Variants in ADH4 observed in about 807,000 individuals in gnomAD.
ADH4 encodes the protein alcohol dehydrogenase 4 (class II), pi polypeptide, also known as all-trans-retinol dehydrogenase [NAD(+)] ADH4.
Under a neutral mutation model 35.2 loss-of-function variants are expected in ADH4, and 31 were observed. The ratio of observed to expected loss-of-function variants is 0.88; its 90% confidence interval spans 0.66 to 1.19. The LOEUF (loss-of-function observed/expected upper bound fraction) is 1.19. Ranked by LOEUF, ADH4 falls within the 50% of genes most tolerant of loss-of-function variation. ADH4 has a pLI of 0.00. For missense variants in ADH4, 476 were observed against 458.3 expected (o/e 1.04, Z -0.35); for synonymous variants, 171 against 160.2 (o/e 1.07, Z -0.51).
chr4:99,127,780 C>G (rs544574468), intron 6 of ADH4, among the ~76,000 whole-genome samples: 1 of 149,918 alleles, frequency 6.7e-6, no homozygotes, highest in Non-Finnish European at 1.5e-5. Flanking sequence ...TGCAGTGAGC[C>G]GAGACCACAC....
chr4:99,131,443 C>T lies in ADH4; in HGVS notation c.843+61G>A, dbSNP rs567591635. 4 of 1,541,662 alleles carry T rather than the reference C, an allele frequency of 2.6e-6. No homozygotes were observed. In the African/African-American group the frequency reaches 4.1e-5, roughly 16 times the overall value. On this transcript the variant is annotated intron_variant, in intron 6 of 8. Transcript: ENST00000265512. ...CCATAATAAACATAATCCACTTTCC[C>T]CTATTATTTGACAGCCAAAGAATAC...
chr4:99,138,956 T>C (rs1334908547), intron 4 of ADH4, 105 bp downstream of exon 4: 1 of 708,188 alleles, frequency 1.4e-6, no homozygotes, highest in Non-Finnish European at 2.4e-6. Context: ...TTAGAATTAG[T>C]GGGTGGAAGG....
At position 99,127,325 on chromosome 4, in the gene ADH4, G is replaced by T. The variant is rs1729131515; in HGVS notation, c.863C>A (p.Thr288Lys). The change falls in exon 7 of 9, where the codon ACA becomes AAA. Residue 288 changes from threonine to lysine, a missense_variant. By Grantham distance (78) the Thr-to-Lys change is moderately conservative (BLOSUM62 -1). Transcript: ENST00000265512. The stretch of plus-strand genomic sequence containing the variant: ...AGTACATGATCCCCAGCCTGCGGTT[G>T]TACAGTCCAGGGCTGCTTTCTGTGA... ...SETMKAALDC[T>K]TAGWGSCTFI... 1 of 1,611,764 alleles carries T rather than the reference G, an allele frequency of 6.2e-7. No individual in the cohort carries two copies. The highest frequency in any genetic ancestry group is 8.5e-7 in the Non-Finnish European group (1 of 1,178,680).
intron 3 of ADH4, among the ~76,000 whole-genome samples, chr4:99,140,172 T>C (rs956601124): frequency 6.6e-6 from 1 of 152,214 alleles, no homozygotes. Context: ...ATATATAATA[T>C]TTCTCACTAA....
In ADH4 at chr4:99,126,665, A is replaced by G. The variant is rs149455662; in HGVS notation, c.1047T>C (p.Asp349=). The G allele has an allele frequency of 6.8e-6, 11 of 1,612,212 alleles. No individual in the cohort carries two copies. The highest frequency in any genetic ancestry group is 2.2e-5 in the South Asian group (2 of 90,898). ...TDYKNKKFNL[D]ALVTHTLPFD... is the part of the protein sequence containing the mutation. ...AAGGCAGGGTATGGGTCACCAGTGC[A>G]TCCAGATTGAATTTCTTATTCTTAT... is the stretch of plus-strand genomic sequence containing the variant. The change falls in exon 8 of 9, where the codon GAT becomes GAC. Residue 349 remains aspartate, a synonymous_variant. Transcript: ENST00000265512.
chr4:99,141,450 G>A, intron 3 of ADH4, 91 bp downstream of exon 3: 1 of 1,277,762 alleles, frequency 7.8e-7, no homozygotes, highest in Non-Finnish European at 1.1e-6. Flanking sequence ...TGTAAATAGA[G>A]ATCAATTATA....
chr4:99,124,238 GTTATTA>G lies in ADH4; in HGVS notation c.*198_*203del. On this transcript the variant is annotated 3_prime_UTR_variant, in exon 9 of 9. Coordinates refer to ENST00000265512, the MANE Select transcript of ADH4 (RefSeq NM_000670.5). ...GATATGATTCTATTCATAAACACTAGTTATTATTATTATTTAACATAGGGAATATTC... is the reference window on the plus strand; with the variant it reads ...GATATGATTCTATTCATAAACACTAGTTATTATTTAACATAGGGAATATTC... 1 of 467,066 alleles carries G rather than the reference GTTATTA, an allele frequency of 2.1e-6. No homozygotes were observed. The highest frequency in any genetic ancestry group is 3.8e-6 in the Non-Finnish European group (1 of 265,100). 28.9% of individuals were successfully genotyped at this position (467,066 alleles called of 1,614,324 possible).
chr4:99,133,003 C>G (rs1729334899), intron 5 of ADH4, among the ~76,000 whole-genome samples: 1 of 151,998 alleles, frequency 6.6e-6, no homozygotes, highest in African/African-American at 2.4e-5. Context: ...GGCTTCTTTA[C>G]TATAATGTTG....
In ADH4 at chr4:99,131,362, A is replaced by T. The variant is rs935926239; in HGVS notation, c.843+142T>A. 213 of 942,390 alleles carry T rather than the reference A, an allele frequency of 2.3e-4. 3 individuals carry two copies. In the South Asian group the frequency reaches 3.7e-3, roughly 16 times the overall value. 58.4% of individuals were successfully genotyped at this position (942,390 alleles called of 1,614,324 possible). On this transcript the variant is annotated intron_variant, in intron 6 of 8. Coordinates refer to ENST00000265512, the MANE Select transcript of ADH4 (RefSeq NM_000670.5). ...ATGGAGTATAGCTGAGGGAATGGGA[A>T]ATGATTTGTGGCTTATAGTTCTACC... is the stretch of plus-strand genomic sequence containing the variant.
Position 99,141,611 on chromosome 4 carries a change from T to C in ADH4, c.192A>G (p.Pro64=). 1.2e-6 allele frequency: 2 copies of C among 1,614,154 alleles called. No individual in the cohort carries two copies. The highest frequency in any genetic ancestry group is 1.7e-5 in the Admixed American group (1 of 60,026). The change falls in exon 3 of 9, where the codon CCA becomes CCG. Residue 64 remains proline, a synonymous_variant. Transcript: ENST00000265512. ...CTGCAGCCTCATGGCCAACGATCAC[T>C]GGGAAAGCTAGGCCCTCAAATTTAG... ...IDSKFEGLAF[P]VIVGHEAAGI... is the part of the protein sequence containing the mutation.
chr4:99,127,356 C>A lies in ADH4; in HGVS notation c.844-12G>T. On this transcript the variant is annotated splice_polypyrimidine_tract_variant and intron_variant, in intron 6 of 8. Transcript: ENST00000265512. ...TCCAGGGCTGCTTTCTGTGATGGAG[C>A]ATAAAAGAATACTTGAGTCAGTGGA... 1 of 1,577,624 alleles carries A rather than the reference C, an allele frequency of 6.3e-7. No individual in the cohort carries two copies. The highest frequency in any genetic ancestry group is 8.6e-7 in the Non-Finnish European group (1 of 1,163,644).
intron 3 of ADH4, among the ~76,000 whole-genome samples, chr4:99,140,247 A>G (rs555752922): frequency 5.9e-5 from 9 of 152,318 alleles, no homozygotes; most frequent in South Asian, 4.1e-4. Context: ...TTGCTTTTTT[A>G]TATAGAAGTT....
rs758366916 is a variant in ADH4, at chr4:99,126,742, G to A, written c.980-10C>T. ...TCTACACTTTTCCAACCTGTAATGT[G>A]GACAAAATGCAAAATAAAGACATGG... On this transcript the variant is annotated splice_polypyrimidine_tract_variant and intron_variant, in intron 7 of 8. Coordinates refer to ENST00000265512, the MANE Select transcript of ADH4 (RefSeq NM_000670.5). 8 of 1,576,304 alleles carry A rather than the reference G, an allele frequency of 5.1e-6. No homozygotes were observed. In the East Asian group the frequency reaches 6.8e-5, roughly 13 times the overall value.
At chr4:99,140,088 T>A (rs1019944142) in intron 3 of ADH4, among the ~76,000 whole-genome samples, 14 of 152,262 alleles carry the variant, frequency 9.2e-5, no homozygotes, top group African/African-American at 3.4e-4. Flanking sequence ...TAATTTCAGC[T>A]ATTGGGGTGC....
At position 99,142,921 on chromosome 4, in the gene ADH4, C is replaced by T. The variant is rs1362740550; in HGVS notation, c.19-141G>A. The T allele has an allele frequency of 8.2e-6, 5 of 609,566 alleles. No individual in the cohort carries two copies. The Admixed American group carries it at 1.2e-4, about 14-fold the overall frequency. 37.8% of individuals were successfully genotyped at this position (609,566 alleles called of 1,614,324 possible). On this transcript the variant is annotated intron_variant, in intron 1 of 8. Coordinates refer to ENST00000265512, the MANE Select transcript of ADH4 (RefSeq NM_000670.5). ...TGACAAAGAGTTAAAGAGTTTGTAG[C>T]TGGATCTTATAGATATTATTTTAAA...
In ADH4 at chr4:99,124,438, A is replaced by T. The variant is rs760320405; in HGVS notation, c.*4T>A. 5 of 1,490,188 alleles carry T rather than the reference A, an allele frequency of 3.4e-6. No individual in the cohort carries two copies. The African/African-American group carries it at 7.0e-5, about 21-fold the overall frequency. The allele number at this position is 1,490,188 out of a possible 1,614,324, so 92.3% of individuals were successfully genotyped here. On this transcript the variant is annotated 3_prime_UTR_variant, in exon 9 of 9. Coordinates refer to ENST00000265512, the MANE Select transcript of ADH4 (RefSeq NM_000670.5). ...GATAGTATTCTGAATTGCTCCTGGC[A>T]TCTTCAAAAGATGAGGATTGTTCGG... is the stretch of plus-strand genomic sequence containing the variant.
Position 99,141,560 on chromosome 4 carries a change from T to C in ADH4, c.243A>G (p.Gly81=). 6.2e-7 allele frequency: 1 copy of C among 1,614,050 alleles called. No individual in the cohort carries two copies. Among genetic ancestry groups the C allele is most frequent in the Non-Finnish European group, 8.5e-7 (1 of 1,179,972 alleles). The change falls in exon 3 of 9, where the codon GGA becomes GGG. Residue 81 remains glycine, a synonymous_variant. Coordinates refer to ENST00000265512, the MANE Select transcript of ADH4 (RefSeq NM_000670.5). ...AAATACCTGGTTTGACGTTGGTCAC[T>C]CCTGGCCCAATACTTTCCACAATAC... The part of the protein sequence containing the change: ...AAGIVESIGP[G]VTNVKPGDKV...
chr4:99,125,805 C>CTGCTTCAA (rs1239858683), intron 8 of ADH4, among the ~76,000 whole-genome samples: 1 of 152,182 alleles, frequency 6.6e-6, no homozygotes. Flanking sequence ...CATTTATTCC[C>CTGCTTCAA]TGCTTCAAAT....
intron 6 of ADH4, among the ~76,000 whole-genome samples, chr4:99,128,235 G>A (rs1399063915): frequency 1.3e-5 from 2 of 152,148 alleles, no homozygotes; most frequent in Non-Finnish European, 2.9e-5. Flanking sequence ...AGGAGTTCAA[G>A]ACCAGCCTGG....
Sources: allele counts gnomAD v4.1 joint callset (sites outside exome capture counted in the v4.1 genomes callset), GRCh38; gene constraint gnomAD v4.1.1; transcripts MANE v1.5; gene names NCBI Gene and HGNC (gene_info 2026-07-23, HGNC 2026-07-21).